Variants in FANCM observed in about 807,000 individuals in gnomAD.
The protein encoded by FANCM is Fanconi anemia group M protein.
In FANCM, 140 loss-of-function variants were observed where a neutral mutation model predicts 199.5. The ratio of observed to expected loss-of-function variants is 0.70; its 90% confidence interval spans 0.61 to 0.81. The LOEUF (loss-of-function observed/expected upper bound fraction) is 0.81, where lower values mean the gene tolerates loss of function less well. Ranked by LOEUF, FANCM falls within the 30% of genes least tolerant of loss-of-function variation. FANCM has a pLI of 0.00. For synonymous variants in FANCM, 840 were observed against 836.8 expected (o/e 1.00, Z -0.07); for missense variants, 2,410 against 2,421.4 (o/e 1.00, Z 0.10).
chr14:45,162,355 T>C (rs554662171), intron 9 of FANCM, among the ~76,000 whole-genome samples: 2 of 152,306 alleles, frequency 1.3e-5, no homozygotes, highest in East Asian at 3.9e-4. Flanking sequence ...GCCTCTCAGA[T>C]TAATGCTTTT....
chr14:45,180,350 C>G (rs1429826084), intron 14 of FANCM, among the ~76,000 whole-genome samples: 4 of 152,046 alleles, frequency 2.6e-5, no homozygotes, highest in African/African-American at 9.7e-5. Context: ...TTTAAGATGG[C>G]TCAGTCATAC....
At chr14:45,184,982 A>G (rs535193545) in intron 17 of FANCM, among the ~76,000 whole-genome samples, 23 of 150,366 alleles carry the variant, frequency 1.5e-4, no homozygotes, top group African/African-American at 5.4e-4. Flanking sequence ...GGGTTTCACC[A>G]TGTTAGTCAG....
At chr14:45,162,316 C>T (rs1887664141) in intron 9 of FANCM, among the ~76,000 whole-genome samples, 1 of 152,068 alleles carries the variant, frequency 6.6e-6, no homozygotes, top group Admixed American at 6.6e-5. Flanking sequence ...ATATCAGGAG[C>T]TTGGTTTTAG....
chr14:45,185,848 TG>T lies in FANCM; in HGVS notation c.4672+479del, dbSNP rs1187864598. On this transcript the variant is annotated intron_variant, in intron 18 of 22. Transcript: ENST00000267430. ...CAAGATGAGAAAAATTTGGAGTAAC[TG>T]GGGTTGAGGGTATAAATAACAGACA... Among the ~76,000 whole-genome samples the T allele has an allele frequency of 3.3e-5, 5 of 152,218 alleles. No homozygotes were observed. The South Asian group carries it at 1.0e-3, about 32-fold the overall frequency.
In FANCM at chr14:45,171,470, C is replaced by T. The variant is rs184844261; in HGVS notation, c.2160+724C>T. On this transcript the variant is annotated intron_variant, in intron 12 of 22. Coordinates refer to ENST00000267430, the MANE Select transcript of FANCM (RefSeq NM_020937.4). ...CAATGTATAGTCTTTTATCCCTTGC[C>T]CCACTCCTACTCTTCCCCCCGAGTC... Among the ~76,000 whole-genome samples the T allele has an allele frequency of 7.5e-4, 114 of 151,944 alleles. 2 individuals carry two copies. Among genetic ancestry groups the T allele is most frequent in the African/African-American group, 2.6e-3 (109 of 41,436 alleles).
intron 14 of FANCM, 22 bp downstream of exon 14, chr14:45,176,998 G>A (rs1330733969): frequency 2.1e-6 from 3 of 1,409,976 alleles, no homozygotes; most frequent in East Asian, 4.6e-5. Flanking sequence ...TCTTTATAAA[G>A]TCTATAACTC....
chr14:45,166,957 A>G lies in FANCM; in HGVS notation c.1796A>G (p.Asn599Ser), dbSNP rs1433207204. The change falls in exon 11 of 23, where the codon AAT (asparagine) becomes AGT (serine). Residue 599 changes from asparagine (N) to serine (S), a missense_variant. Physicochemically the swap from Asn to Ser is conservative, Grantham distance 46. Coordinates refer to ENST00000267430, the MANE Select transcript of FANCM (RefSeq NM_020937.4). ...LSEGREERIY[N>S]QSQSNKRSIY... ...TTCTATTTGTTTTTACAGATTTATA[A>G]TCAGAGTCAGTCCAACAAAAGAAGT... 3 of 1,518,822 alleles carry G rather than the reference A, an allele frequency of 2.0e-6. No individual in the cohort carries two copies. In the African/African-American group the frequency reaches 4.1e-5, roughly 21 times the overall value. 94.1% of individuals were successfully genotyped at this position (1,518,822 alleles called of 1,614,324 possible).
At chr14:45,136,875 G>A (rs1885555550) in intron 1 of FANCM, among the ~76,000 whole-genome samples, 194 bp from the exon 2 acceptor site, 2 of 152,194 alleles carry the variant, frequency 1.3e-5, no homozygotes, top group Non-Finnish European at 2.9e-5. Context: ...CAATTTGGTT[G>A]TAGTCCTAGA....
chr14:45,136,437 A>G lies in FANCM; in HGVS notation c.406A>G (p.Lys136Glu). ...YNFYRWFPSG[K>E]VVFMAPTKPL... ...TTTCTACCGCTGGTTCCCTTCAGGAAAGGTGGTCTTCATGGCCCCAACGAA... is the reference window on the plus strand; with the variant it reads ...TTTCTACCGCTGGTTCCCTTCAGGAGAGGTGGTCTTCATGGCCCCAACGAA... Residue 136 changes from lysine (K) to glutamate (E), a missense_variant, in exon 1 of 23, where the codon AAG becomes GAG. Coordinates refer to ENST00000267430, the MANE Select transcript of FANCM (RefSeq NM_020937.4). The G allele has an allele frequency of 6.2e-7, 1 of 1,614,180 alleles. No individual in the cohort carries two copies. Among genetic ancestry groups the G allele is most frequent in the Non-Finnish European group, 8.5e-7 (1 of 1,180,018 alleles).
rs192079020 is a variant in FANCM at position 45,200,000 on chromosome 14, G to A, written c.6139G>A (p.Asp2047Asn). The part of the protein sequence containing the change: ...NDLNQDRLKS[D>N]I Reference sequence around the variant, plus strand: ...TCTTAACCAAGATAGACTGAAATCTGATATATAATCAAGCTGCTCAAGATG... The same window carrying A: ...TCTTAACCAAGATAGACTGAAATCTAATATATAATCAAGCTGCTCAAGATG... The change falls in exon 23 of 23, where the codon GAT becomes AAT. Residue 2047 changes from aspartate to asparagine, a missense_variant. Coordinates refer to ENST00000267430, the MANE Select transcript of FANCM (RefSeq NM_020937.4). 34 of 1,607,298 alleles carry A rather than the reference G, an allele frequency of 2.1e-5. No individual in the cohort carries two copies. The East Asian group carries it at 7.4e-4, about 35-fold the overall frequency.
Position 45,135,936 on chromosome 14 carries a change from T to G in FANCM, c.-96T>G. ...TTAGTCCCGCCTTCTCGTTCCAGAG[T>G]TTTGTGCGAAGGAAACCGATGGGGA... On this transcript the variant is annotated 5_prime_UTR_variant, in exon 1 of 23. Coordinates refer to ENST00000267430, the MANE Select transcript of FANCM (RefSeq NM_020937.4). 2 of 1,363,258 alleles carry G rather than the reference T, an allele frequency of 1.5e-6. No individual in the cohort carries two copies. The highest frequency in any genetic ancestry group is 2.3e-5 in the South Asian group (2 of 85,516). 84.4% of individuals were successfully genotyped at this position (1,363,258 alleles called of 1,614,324 possible).
intron 2 of FANCM, among the ~76,000 whole-genome samples, chr14:45,140,127 A>C (rs1441798457): frequency 6.6e-6 from 1 of 152,246 alleles, no homozygotes; most frequent in African/African-American, 2.4e-5. Flanking sequence ...TTAATCTGTC[A>C]AGTGTGCATA....
At chr14:45,147,126 T>C (rs1331739560) in intron 3 of FANCM, among the ~76,000 whole-genome samples, 1 of 152,118 alleles carries the variant, frequency 6.6e-6, no homozygotes, top group Non-Finnish European at 1.5e-5. Context: ...AAGCTTAATT[T>C]TATAAAATGG....
At chr14:45,141,407 C>G (rs1016841031) in intron 3 of FANCM, among the ~76,000 whole-genome samples, 13 of 150,906 alleles carry the variant, frequency 8.6e-5, no homozygotes, top group Admixed American at 1.3e-4. Context: ...TCTAGTTTAA[C>G]ATGAGAACTA....
Position 45,137,152 on chromosome 14 carries a change from C to T in FANCM, c.592C>T (p.Leu198Phe), listed in dbSNP as rs1230921301. The change falls in exon 2 of 23, where the codon CTT becomes TTT. Residue 198 changes from leucine (L) to phenylalanine (F), a missense_variant. Leu to Phe is a conservative substitution (Grantham distance 22, BLOSUM62 0). Transcript: ENST00000267430. ...FLTPQVMVND[L>F]SRGACPAAEI... is the part of the protein sequence containing the mutation. ...TACACCTCAGGTCATGGTAAATGAC[C>T]TTTCTAGAGGAGCTTGTCCCGCTGC... The T allele has an allele frequency of 1.2e-6, 2 of 1,613,488 alleles. No individual in the cohort carries two copies. The highest frequency in any genetic ancestry group is 1.3e-5 in the African/African-American group (1 of 74,902).
chr14:45,146,280 A>G (rs574727666), intron 3 of FANCM, among the ~76,000 whole-genome samples: 8 of 151,138 alleles, frequency 5.3e-5, no homozygotes, highest in African/African-American at 9.7e-5. Context: ...TCCTACCTCA[A>G]AGTGCCTCTT....
Position 45,159,138 on chromosome 14 carries a change from T to A in FANCM, c.1439T>A (p.Met480Lys), listed in dbSNP as rs776804525. 4 of 1,612,858 alleles carry A rather than the reference T, an allele frequency of 2.5e-6. No homozygotes were observed. The highest frequency in any genetic ancestry group is 3.4e-6 in the Non-Finnish European group (4 of 1,179,046). Residue 480 changes from methionine (M) to lysine (K), a missense_variant, in exon 9 of 23, where the codon ATG becomes AAG. Transcript: ENST00000267430. ...AAGAAACGTGATGAGACCCGAGTTATGATCTTCTCTTCATTTCGAGATAGT... is the reference window on the plus strand; with the variant it reads ...AAGAAACGTGATGAGACCCGAGTTAAGATCTTCTCTTCATTTCGAGATAGT... Reference protein sequence around the residue: ...TEKKRDETRVMIFSSFRDSVQ... With the variant: ...TEKKRDETRVKIFSSFRDSVQ...
At chr14:45,196,075 G>T in intron 20 of FANCM, 97 bp from the exon 21 acceptor site, 1 of 1,287,252 alleles carries the variant, frequency 7.8e-7, no homozygotes, top group Non-Finnish European at 1.1e-6. Context: ...ACGAAAACTG[G>T]ACATTCTCAT....
In FANCM at chr14:45,137,205, A is replaced by T. The variant is rs1215370736; in HGVS notation, c.645A>T (p.Glu215Asp). The change falls in exon 2 of 23, where the codon GAA (glutamate) becomes GAT (aspartate). Residue 215 changes from glutamate to aspartate, a missense_variant. Coordinates refer to ENST00000267430, the MANE Select transcript of FANCM (RefSeq NM_020937.4). ...AAEIKCLVID[E>D]AHKALGNYAY... is the part of the protein sequence containing the mutation. The stretch of plus-strand genomic sequence containing the variant: ...AAATAAAGTGTTTAGTTATTGATGA[A>T]GCTCATAAAGCTCTCGGAAACTATG... The T allele has an allele frequency of 1.9e-6, 3 of 1,613,362 alleles. No individual in the cohort carries two copies. The highest frequency in any genetic ancestry group is 3.3e-5 in the Admixed American group (2 of 60,026).
Sources: gnomAD v4.1 joint callset for allele counts (sites outside exome capture counted in the v4.1 genomes callset) on GRCh38, gnomAD v4.1.1 for gene constraint, MANE v1.5 for transcripts, NCBI Gene and HGNC (gene_info 2026-07-23, HGNC 2026-07-21) for gene names.